IL23R: variants seen among roughly 807,000 people sequenced by gnomAD.
IL23R encodes the protein interleukin-23 receptor.
A neutral mutation model predicts 56.9 loss-of-function variants in IL23R; 34 were observed. That is an observed-to-expected ratio of 0.60 (90% CI 0.45 to 0.80). The LOEUF (loss-of-function observed/expected upper bound fraction) is 0.80, where lower values mean the gene tolerates loss of function less well. Among genes scored for constraint, IL23R ranks in the 30% least tolerant of loss-of-function variants. IL23R has a pLI of 0.00. For missense variants in IL23R, 635 were observed against 730.0 expected (o/e 0.87, Z 1.50); for synonymous variants, 230 against 249.2 (o/e 0.92, Z 0.73).
chr1:67,151,014 C>T (rs1200630098), intron 1 of IL23R, among the ~76,000 whole-genome samples: 2 of 152,110 alleles, frequency 1.3e-5, no homozygotes, highest in Admixed American at 6.6e-5. Context: ...GCTCTAGATC[C>T]TTGAGGAATC....
intron 5 of IL23R, among the ~76,000 whole-genome samples, chr1:67,204,312 C>T (rs1648857519): frequency 6.6e-6 from 1 of 152,132 alleles, no homozygotes; most frequent in Admixed American, 6.6e-5. Context: ...ATCGGCCCGC[C>T]TCGACCTCCC....
In IL23R at chr1:67,259,449, T is replaced by G. The variant is rs954564885; in HGVS notation, c.*321T>G. The G allele has an allele frequency of 3.4e-5, 12 of 348,508 alleles. No homozygotes were observed. Among genetic ancestry groups the G allele is most frequent in the Middle Eastern group, 9.3e-4 (1 of 1,080 alleles). 21.6% of individuals were successfully genotyped at this position (348,508 alleles called of 1,614,324 possible). On this transcript the variant is annotated 3_prime_UTR_variant, in exon 11 of 11. Transcript: ENST00000347310. Reference sequence around the variant, plus strand: ...CATTCTTCTGCCTCATTTCTTAAAATTAGAGAATTAAGGTCCCGAAGGTGG... The same window carrying G: ...CATTCTTCTGCCTCATTTCTTAAAAGTAGAGAATTAAGGTCCCGAAGGTGG...
intron 9 of IL23R, among the ~76,000 whole-genome samples, chr1:67,254,985 A>G (rs1652858758): frequency 1.3e-5 from 2 of 152,226 alleles, no homozygotes; most frequent in Admixed American, 6.5e-5. Context: ...ACTGCAAGAC[A>G]TGTTCCCCAG....
At chr1:67,189,299 T>C (rs1015447193) in intron 4 of IL23R, among the ~76,000 whole-genome samples, 3 of 152,184 alleles carry the variant, frequency 2.0e-5, no homozygotes, top group Non-Finnish European at 4.4e-5. Flanking sequence ...TTCTAGTTGA[T>C]AACTAGAAAT....
intron 3 of IL23R, among the ~76,000 whole-genome samples, chr1:67,178,654 T>C (rs1441374541): frequency 6.6e-6 from 1 of 152,214 alleles, no homozygotes; most frequent in Non-Finnish European, 1.5e-5. Flanking sequence ...TCCAACACTA[T>C]GTTGAATAGG....
chr1:67,233,731 T>A (rs971602991), intron 7 of IL23R, among the ~76,000 whole-genome samples: 3 of 152,212 alleles, frequency 2.0e-5, no homozygotes, highest in South Asian at 2.1e-4. Context: ...GGATTTTTTT[T>A]AGTATATTCA....
chr1:67,155,246 G>A lies in IL23R; in HGVS notation c.-633-12846G>A, dbSNP rs568056972. Among the ~76,000 whole-genome samples, 4 of 152,226 alleles carry A rather than the reference G, an allele frequency of 2.6e-5. No homozygotes were observed. In the South Asian group the frequency reaches 8.3e-4, roughly 32 times the overall value. On this transcript the variant is annotated intron_variant, in intron 1 of 10. Coordinates refer to the IL23R transcript ENST00000637002. Reference sequence around the variant, plus strand: ...CAGTTTTTCCTTCATTTTGACCTTGGAGAATCTGATGATTATGTGTTTGGG... The same window carrying A: ...CAGTTTTTCCTTCATTTTGACCTTGAAGAATCTGATGATTATGTGTTTGGG...
intron 6 of IL23R, among the ~76,000 whole-genome samples, chr1:67,216,585 A>C (rs1185806017): frequency 6.6e-6 from 1 of 152,192 alleles, no homozygotes; most frequent in Admixed American, 6.5e-5. Context: ...CAATTATGTA[A>C]ATGAATGGGC....
chr1:67,142,868 T>A (rs1646650683), intron 1 of IL23R, among the ~76,000 whole-genome samples: 1 of 152,242 alleles, frequency 6.6e-6, no homozygotes. Context: ...GTGTCCGGCC[T>A]GGTCTACAAA....
At chr1:67,153,496 A>C (rs566294081) in intron 1 of IL23R, among the ~76,000 whole-genome samples, 8 of 151,776 alleles carry the variant, frequency 5.3e-5, no homozygotes, top group Non-Finnish European at 2.9e-5. Flanking sequence ...TAGCTTTTGA[A>C]TTTGTTTGCT....
At chr1:67,183,013 A>G in intron 4 of IL23R, 54 bp downstream of exon 4, 1 of 1,607,014 alleles carries the variant, frequency 6.2e-7, no homozygotes, top group Non-Finnish European at 8.5e-7. Context: ...GTTCAGCCAG[A>G]GCTCTGCCTC....
intron 9 of IL23R, 44 bp from the exon 10 acceptor site, chr1:67,255,793 A>G (rs375239785): frequency 3.7e-5 from 36 of 976,388 alleles, no homozygotes; most frequent in Non-Finnish European, 5.8e-5. Context: ...CTAATCTCCT[A>G]TATGATTGCC....
chr1:67,241,073 G>C (rs1042398626), intron 9 of IL23R, among the ~76,000 whole-genome samples: 4 of 152,222 alleles, frequency 2.6e-5, no homozygotes, highest in Non-Finnish European at 5.9e-5. Context: ...CATCCACAAG[G>C]ACTTGAATAT....
intron 1 of IL23R, among the ~76,000 whole-genome samples, chr1:67,141,548 A>C (rs1012173877): frequency 2.6e-5 from 4 of 152,194 alleles, no homozygotes; most frequent in Non-Finnish European, 4.4e-5. Context: ...ATTTGAGGCC[A>C]GGAGATCAAG....
chr1:67,192,688 T>C (rs1647840322), intron 4 of IL23R, among the ~76,000 whole-genome samples: 1 of 152,138 alleles, frequency 6.6e-6, no homozygotes, highest in African/African-American at 2.4e-5. Context: ...ATTATTCAGG[T>C]CAAAATCAGG....
chr1:67,202,414 T>C (rs1648704865), intron 5 of IL23R, among the ~76,000 whole-genome samples: 1 of 152,126 alleles, frequency 6.6e-6, no homozygotes, highest in Non-Finnish European at 1.5e-5. Flanking sequence ...ATTTTTGTAT[T>C]TTTAGTAGAG....
At chr1:67,164,446 A>G (rs1036482107), upstream of IL23R, among the ~76,000 whole-genome samples, 5 of 152,148 alleles carry the variant, frequency 3.3e-5, no homozygotes, top group African/African-American at 1.2e-4. Flanking sequence ...TAGCCTGACC[A>G]ACATGGTGAA....
rs111818890 is a variant in IL23R at position 67,228,185 on chromosome 1, T to C, written c.955+8455T>C. ...TTCCTTCCTTCCTTCCTTCCTTCCT[T>C]CCTTCCTTCCTTCCTCCCTTCTTTT... is the stretch of plus-strand genomic sequence containing the variant. On this transcript the variant is annotated intron_variant, in intron 7 of 10. Transcript: ENST00000347310. 3.0e-4 allele frequency among the ~76,000 whole-genome samples: 40 copies of C among 132,942 alleles called. 3 individuals are homozygous for C. The highest frequency in any genetic ancestry group is 4.0e-4 in the Non-Finnish European group (24 of 59,876). The allele number at this position is 132,942 out of a possible 152,430, so 87.2% of individuals were successfully genotyped here. A position where few individuals can be genotyped will look rare whatever the true frequency, so the allele number is the denominator to read the frequency against.
chr1:67,167,971 C>A (rs991820069), intron 1 of IL23R, 121 bp from the exon 2 acceptor site: 3 of 638,230 alleles, frequency 4.7e-6, no homozygotes, highest in Non-Finnish European at 8.4e-6. Flanking sequence ...TTCCTTCTTT[C>A]CTTCTTCCTC....
Sources: gnomAD v4.1 joint callset for allele counts (sites outside exome capture counted in the v4.1 genomes callset) on GRCh38, gnomAD v4.1.1 for gene constraint, MANE v1.5 for transcripts, NCBI Gene and HGNC (gene_info 2026-07-23, HGNC 2026-07-21) for gene names.